The following CSMD1 variants were observed in gnomAD, a reference collection of about 807,000 sequenced individuals.
CSMD1 encodes the protein CUB and Sushi multiple domains 1.
In CSMD1, 213 loss-of-function variants were observed where a neutral mutation model predicts 417.5. The observed-to-expected ratio is 0.51, with a 90% CI of 0.46 to 0.57. The LOEUF (loss-of-function observed/expected upper bound fraction) is 0.57. CSMD1 is among the 20% of genes least tolerant of loss of function. The pLI is 0.00. For synonymous variants in CSMD1, 2,862 were observed against 1,736.8 expected, an observed-to-expected ratio of 1.65 and a Z score of -16.11; for missense variants, 6,923 against 4,529.7, an observed-to-expected ratio of 1.53 and a Z score of -15.17.
chr8:4,136,838 A>C (rs1163363425), intron 3 of CSMD1, among the ~76,000 whole-genome samples: 1 of 152,194 alleles, frequency 6.6e-6, no homozygotes, highest in Non-Finnish European at 1.5e-5. Flanking sequence ...AATGTTTGAC[A>C]AACTCTAGGT....
chr8:4,410,310 T>A (rs1796579652), intron 3 of CSMD1, among the ~76,000 whole-genome samples: 1 of 152,216 alleles, frequency 6.6e-6, no homozygotes, highest in South Asian at 2.1e-4. Flanking sequence ...AATGAGCGCT[T>A]AGTCACCAGC....
At chr8:3,197,405 C>T (rs555282794) in intron 33 of CSMD1, among the ~76,000 whole-genome samples, 1 of 149,704 alleles carries the variant, frequency 6.7e-6, no homozygotes, top group Non-Finnish European at 1.5e-5. Context: ...ATGAATGAAG[C>T]TGTAATGGTG....
At chr8:3,983,091 A>G (rs1229797798) in intron 5 of CSMD1, among the ~76,000 whole-genome samples, 2 of 151,712 alleles carry the variant, frequency 1.3e-5, no homozygotes, top group Non-Finnish European at 2.9e-5. Flanking sequence ...CTAATGATGT[A>G]AAACGCCTCA....
intron 3 of CSMD1, among the ~76,000 whole-genome samples, chr8:4,156,330 A>G (rs1035990178): frequency 1.3e-5 from 2 of 152,074 alleles, no homozygotes; most frequent in African/African-American, 4.8e-5. Context: ...ACGGCCGTGC[A>G]AAGTTTATGT....
intron 40 of CSMD1, among the ~76,000 whole-genome samples, chr8:3,145,879 T>C (rs1309819033): frequency 1.3e-5 from 2 of 152,234 alleles, no homozygotes; most frequent in Non-Finnish European, 2.9e-5. Flanking sequence ...ATATTGAAAA[T>C]TAAGTGCCAG....
At chr8:4,492,300 G>A (rs953873783) in intron 2 of CSMD1, among the ~76,000 whole-genome samples, 5 of 152,104 alleles carry the variant, frequency 3.3e-5, no homozygotes, top group African/African-American at 1.2e-4. Context: ...ATGTTGCCCA[G>A]GATGGTCTCA....
chr8:3,479,532 G>A (rs1317870296), intron 11 of CSMD1, among the ~76,000 whole-genome samples: 2 of 152,080 alleles, frequency 1.3e-5, no homozygotes, highest in Non-Finnish European at 2.9e-5. Flanking sequence ...TGCCCACCTC[G>A]GCCCCCCAAA....
At chr8:4,199,114 C>G (rs1424020676) in intron 3 of CSMD1, among the ~76,000 whole-genome samples, 1 of 152,162 alleles carries the variant, frequency 6.6e-6, no homozygotes, top group African/African-American at 2.4e-5. Flanking sequence ...CTTCTGCTGT[C>G]CGTAAAGTTC....
At chr8:3,397,712 T>C (rs1441647496) in intron 16 of CSMD1, among the ~76,000 whole-genome samples, 2 of 152,228 alleles carry the variant, frequency 1.3e-5, no homozygotes, top group East Asian at 3.9e-4. Flanking sequence ...AGTTGTCCTA[T>C]CCTGTTTCTT....
At chr8:3,950,510 T>A (rs1053394081) in intron 5 of CSMD1, among the ~76,000 whole-genome samples, 2 of 152,212 alleles carry the variant, frequency 1.3e-5, no homozygotes, top group Non-Finnish European at 2.9e-5. Context: ...GCAGACTCCG[T>A]CCACTTGCTG....
chr8:4,435,847 C>T (rs867787616), intron 2 of CSMD1, among the ~76,000 whole-genome samples: 1 of 152,192 alleles, frequency 6.6e-6, no homozygotes, highest in Non-Finnish European at 1.5e-5. Flanking sequence ...CTCCAAAGCT[C>T]ACCTTCCAAG....
At chr8:3,616,033 A>G (rs553789089) in intron 8 of CSMD1, among the ~76,000 whole-genome samples, 2 of 152,326 alleles carry the variant, frequency 1.3e-5, no homozygotes, top group Admixed American at 1.3e-4. Context: ...AACTTTACTG[A>G]CTGATACTAA....
chr8:4,104,534 T>C (rs1801469498), intron 3 of CSMD1, among the ~76,000 whole-genome samples: 1 of 147,366 alleles, frequency 6.8e-6, no homozygotes, highest in African/African-American at 2.5e-5. Context: ...ACACCCTAAA[T>C]TTGCAACTTT....
intron 26 of CSMD1, among the ~76,000 whole-genome samples, chr8:3,283,880 G>T (rs978879801): frequency 6.6e-6 from 1 of 152,184 alleles, no homozygotes; most frequent in African/African-American, 2.4e-5. Flanking sequence ...ATTTCTGAAG[G>T]TTCCAGTGGC....
intron 10 of CSMD1, among the ~76,000 whole-genome samples, chr8:3,538,656 C>G (rs1208901496): frequency 6.6e-6 from 1 of 152,234 alleles, no homozygotes; most frequent in African/African-American, 2.4e-5. Context: ...TTTTTGTTGC[C>G]AGACTGGCCT....
chr8:4,710,865 A>G (rs1311340356), intron 1 of CSMD1, among the ~76,000 whole-genome samples: 1 of 151,454 alleles, frequency 6.6e-6, no homozygotes, highest in Non-Finnish European at 1.5e-5. Flanking sequence ...ATAATAATAA[A>G]TAAAAATAAA....
chr8:4,631,703 T>C (rs896587140), intron 2 of CSMD1, among the ~76,000 whole-genome samples: 2 of 152,250 alleles, frequency 1.3e-5, no homozygotes, highest in Admixed American at 6.5e-5. Context: ...GGAAAACCTA[T>C]TCTATTTTAA....
At chr8:3,636,729 C>G (rs1797069918) in intron 7 of CSMD1, among the ~76,000 whole-genome samples, 5 of 152,224 alleles carry the variant, frequency 3.3e-5, no homozygotes, top group South Asian at 4.1e-4. Flanking sequence ...TTGGGAGCAG[C>G]TGGCTCAGCG....
At chr8:4,667,568 T>C (rs906961067) in intron 1 of CSMD1, among the ~76,000 whole-genome samples, 2 of 152,194 alleles carry the variant, frequency 1.3e-5, no homozygotes, top group African/African-American at 4.8e-5. Flanking sequence ...AAAATTCAGA[T>C]TTTTATATAT....
Sources: gnomAD v4.1 joint callset for allele counts (sites outside exome capture counted in the v4.1 genomes callset) on GRCh38, gnomAD v4.1.1 for gene constraint, MANE v1.5 for transcripts, NCBI Gene and HGNC (gene_info 2026-07-23, HGNC 2026-07-21) for gene names.